The following MAP2K6 variants were observed in gnomAD, a reference collection of about 807,000 sequenced individuals.
MAP2K6 encodes dual specificity mitogen-activated protein kinase kinase 6.
Under a neutral mutation model 53.7 loss-of-function variants are expected in MAP2K6, and 16 were observed. The observed-to-expected ratio is 0.30, with a 90% CI of 0.20 to 0.45. The LOEUF (loss-of-function observed/expected upper bound fraction) is 0.45. MAP2K6 is among the 20% of genes least tolerant of loss of function. The probability of loss-of-function intolerance (pLI) is 1.00; values close to 1 mark genes in which losing one functional copy is unlikely to be tolerated. For synonymous variants in MAP2K6, 132 were observed against 143.1 expected, an observed-to-expected ratio of 0.92 and a Z score of 0.55; for missense variants, 204 against 411.9, an observed-to-expected ratio of 0.50 and a Z score of 4.37.
intron 1 of MAP2K6, chr17:69,501,886 T>A (rs1909188902): frequency 6.6e-6 from 1 of 151,766 alleles, no homozygotes; most frequent in African/African-American, 2.4e-5. Context: ...AGTTGGCCAC[T>A]TAGCTTTATT....
At chr17:69,453,488 G>A (rs1331895027) in intron 1 of MAP2K6, among the ~76,000 whole-genome samples, 2 of 152,144 alleles carry the variant, frequency 1.3e-5, no homozygotes, top group Admixed American at 6.5e-5. Flanking sequence ...ATGTAGGTTC[G>A]ACTGTAAGAC....
rs1000747147 is a variant in MAP2K6 at position 69,494,445 on chromosome 17, C to T, written c.17-11335C>T. ...CCCAGGAGGCAGAGGTTGCTGTGAG[C>T]CAAGGTCGTGCCACTGCACTCCAGC... On this transcript the variant is annotated intron_variant, in intron 1 of 11. Coordinates refer to ENST00000590474, the MANE Select transcript of MAP2K6 (RefSeq NM_002758.4). This position sits in a 1 kb window ranked among gnomAD's most constrained non-coding sequence, Gnocchi z 4.2. 2.0e-5 allele frequency among the ~76,000 whole-genome samples: 3 copies of T among 151,640 alleles called. No individual in the cohort carries two copies. Among genetic ancestry groups the T allele is most frequent in the Admixed American group, 6.6e-5 (1 of 15,220 alleles).
chr17:69,427,612 A>G (rs1906314459), intron 1 of MAP2K6, among the ~76,000 whole-genome samples: 1 of 152,170 alleles, frequency 6.6e-6, no homozygotes, highest in South Asian at 2.1e-4. Flanking sequence ...ACTCCATTTA[A>G]ACAGAGTCAG....
At chr17:69,541,604 A>C in intron 11 of MAP2K6, 72 bp from the exon 12 acceptor site, 1 of 1,151,268 alleles carries the variant, frequency 8.7e-7, no homozygotes, top group Non-Finnish European at 1.3e-6. Flanking sequence ...AAGCAGATCT[A>C]TTCATTTGCT....
rs1447892760 is a variant in MAP2K6 at position 69,494,753 on chromosome 17, C to T, written c.17-11027C>T. 1.3e-5 allele frequency among the ~76,000 whole-genome samples: 2 copies of T among 152,020 alleles called. No individual in the cohort carries two copies. Among genetic ancestry groups the T allele is most frequent in the Admixed American group, 6.6e-5 (1 of 15,266 alleles). On this transcript the variant is annotated intron_variant, in intron 1 of 11. Coordinates refer to ENST00000590474, the MANE Select transcript of MAP2K6 (RefSeq NM_002758.4). This position sits in a 1 kb window ranked among gnomAD's most constrained non-coding sequence, Gnocchi z 4.2. ...GGGCGTGGTGGCTCATGCCTGTAAT[C>T]CCAGCACTTTGGGAGGCTGGGGCGG...
At position 69,550,227 on chromosome 17, in the gene MAP2K6, G is replaced by A. The variant is rs990232; in HGVS notation, c.*8474G>A. 0.21 allele frequency: 32,470 copies of A among 152,058 alleles called. 4,093 individuals carry two copies. The highest frequency in any genetic ancestry group is 0.35 in the African/African-American group (14,453 of 41,450). 9.4% of individuals were successfully genotyped at this position (152,058 alleles called of 1,614,324 possible). On this transcript the variant is annotated 3_prime_UTR_variant, in exon 12 of 12. Coordinates refer to ENST00000590474, the MANE Select transcript of MAP2K6 (RefSeq NM_002758.4). Reference sequence around the variant, plus strand: ...GGCTGAACAAAAGTAAATGATTAACGGGAAATTTGATGGTTGAGAAAAAGG... The same window carrying A: ...GGCTGAACAAAAGTAAATGATTAACAGGAAATTTGATGGTTGAGAAAAAGG...
rs79059034 is a variant in MAP2K6 at position 69,480,276 on chromosome 17, C to T, written c.17-25504C>T. 4.5e-4 allele frequency among the ~76,000 whole-genome samples: 68 copies of T among 152,244 alleles called. 1 individual carries two copies. The East Asian group carries it at 5.0e-3, about 11-fold the overall frequency. ...GCACATGAAACACCATGGCAGCAAC[C>T]CTTATTGCTTGTGGCTACTTCTACG... On this transcript the variant is annotated intron_variant, in intron 1 of 11. Transcript: ENST00000590474.
intron 1 of MAP2K6, among the ~76,000 whole-genome samples, chr17:69,454,002 C>T (rs1416944160): frequency 6.6e-6 from 1 of 152,220 alleles, no homozygotes; most frequent in Non-Finnish European, 1.5e-5. Flanking sequence ...AGGAAATTTA[C>T]CCATGTAGGT....
intron 2 of MAP2K6, among the ~76,000 whole-genome samples, chr17:69,506,684 G>A (rs758941755): frequency 9.9e-5 from 15 of 152,178 alleles, no homozygotes; most frequent in Non-Finnish European, 2.2e-4. Flanking sequence ...ATCAGGAAGT[G>A]CACCCCTAGT....
intron 1 of MAP2K6, chr17:69,434,338 T>TC: frequency 6.6e-6 from 1 of 152,296 alleles, no homozygotes. Flanking sequence ...ACGACATGTC[T>TC]CCCCCTCTGC....
intron 2 of MAP2K6, among the ~76,000 whole-genome samples, 185 bp from the exon 3 acceptor site, chr17:69,516,670 G>T (rs543378098): frequency 3.3e-5 from 5 of 152,160 alleles, no homozygotes; most frequent in Admixed American, 3.3e-4. Context: ...AAGAGATTAA[G>T]TGATTTAAAC....
intron 1 of MAP2K6, among the ~76,000 whole-genome samples, chr17:69,462,664 A>G (rs2586543): frequency 0.92 from 140,754 of 152,216 alleles, 65,598 homozygotes; most frequent in Non-Finnish European, 0.98. Flanking sequence ...CTCCTGCACT[A>G]TTCTCCTTTT....
At chr17:69,507,527 G>A (rs1200803439) in intron 2 of MAP2K6, among the ~76,000 whole-genome samples, 1 of 151,958 alleles carries the variant, frequency 6.6e-6, no homozygotes, top group Non-Finnish European at 1.5e-5. Context: ...CCGCTAATCT[G>A]TTCTCCTTTG....
chr17:69,433,583 G>T (rs554904066), intron 1 of MAP2K6: 2 of 152,342 alleles, frequency 1.3e-5, no homozygotes, highest in East Asian at 1.9e-4. Flanking sequence ...CTGCTTCACT[G>T]TGTGGTTCAC....
At chr17:69,471,143 C>T (rs546535310) in intron 1 of MAP2K6, among the ~76,000 whole-genome samples, 11 of 152,254 alleles carry the variant, frequency 7.2e-5, no homozygotes, top group African/African-American at 2.4e-4. Flanking sequence ...CTGTATTAAG[C>T]GGAAAAGAAC....
In MAP2K6 at chr17:69,499,727, G is replaced by A. The variant is rs556914604; in HGVS notation, c.17-6053G>A. The stretch of plus-strand genomic sequence containing the variant: ...CTAGTGGAGAAAGGTAGATAAACAA[G>A]TAATAAATAAATGCAGAAGTAAATA... On this transcript the variant is annotated intron_variant, in intron 1 of 11. Transcript: ENST00000590474. 2.6e-5 allele frequency among the ~76,000 whole-genome samples: 4 copies of A among 152,274 alleles called. No homozygotes were observed. The East Asian group carries it at 7.7e-4, about 29-fold the overall frequency.
chr17:69,434,310 T>A (rs1012324888), intron 1 of MAP2K6: 1 of 152,198 alleles, frequency 6.6e-6, no homozygotes, highest in African/African-American at 2.4e-5. Flanking sequence ...GAGGTCTGAT[T>A]ATACGGTTTT....
chr17:69,463,369 A>T lies in MAP2K6; in HGVS notation c.17-42411A>T, dbSNP rs181093919. On this transcript the variant is annotated intron_variant, in intron 1 of 11. Coordinates refer to ENST00000590474, the MANE Select transcript of MAP2K6 (RefSeq NM_002758.4). ...ATTATTCACTAATATACATATATGT[A>T]TGTGTATATATATGTGTATCTATAA... Among the ~76,000 whole-genome samples the T allele has an allele frequency of 1.4e-4, 21 of 149,540 alleles. 1 individual carries two copies. Among genetic ancestry groups the T allele is most frequent in the African/African-American group, 5.1e-4 (21 of 40,830 alleles).
At chr17:69,507,553 A>G (rs1391311959) in intron 2 of MAP2K6, among the ~76,000 whole-genome samples, 1 of 152,016 alleles carries the variant, frequency 6.6e-6, no homozygotes, top group Admixed American at 6.6e-5. Flanking sequence ...TTGTTATTTC[A>G]TGATTGTTAT....
Sources: allele counts gnomAD v4.1 joint callset (sites outside exome capture counted in the v4.1 genomes callset), GRCh38; gene constraint gnomAD v4.1.1; non-coding constraint Gnocchi (gnomAD v3.1); transcripts MANE v1.5; gene names NCBI Gene and HGNC (gene_info 2026-07-23, HGNC 2026-07-21).